TAF4: variants seen among roughly 807,000 people sequenced by gnomAD.
TAF4 encodes the protein transcription initiation factor TFIID subunit 4.
TAF4 carries 9 observed loss-of-function variants against 90.3 expected under a neutral mutation model. The observed-to-expected ratio is 0.10, with a 90% CI of 0.06 to 0.17. The LOEUF (loss-of-function observed/expected upper bound fraction) is 0.17, where lower values mean the gene tolerates loss of function less well. Ranked by LOEUF, TAF4 falls within the 10% of genes least tolerant of loss-of-function variation. TAF4 has a pLI of 1.00. For missense variants in TAF4, 1,351 were observed against 1,370.7 expected (o/e 0.99, Z 0.23); for synonymous variants, 818 against 638.9 (o/e 1.28, Z -4.23).
intron 1 of TAF4, chr20:62,037,323 C>CCACT (rs2055937812): frequency 6.6e-6 from 1 of 152,184 alleles, no homozygotes; most frequent in East Asian, 1.9e-4. Flanking sequence ...AAGACATGAA[C>CCACT]CACTCTTTAC....
chr20:61,987,827 C>T (rs1481781233), intron 14 of TAF4, among the ~76,000 whole-genome samples: 1 of 152,194 alleles, frequency 6.6e-6, no homozygotes, highest in East Asian at 1.9e-4. Context: ...CCACGATGTG[C>T]TTCAGTAGGT....
In TAF4 at chr20:62,012,812, C is replaced by T. The variant is rs771729301; in HGVS notation, c.1641+3G>A. ...TCAAGAGATCCGCCGCCTGCCCTCT[C>T]ACCTGGACGCCGGGCGAGCGCTGCA... On this transcript the variant is annotated splice_donor_region_variant and intron_variant, in intron 3 of 14. Transcript: ENST00000252996. 7 of 1,610,768 alleles carry T rather than the reference C, an allele frequency of 4.3e-6. No homozygotes were observed. Among genetic ancestry groups the T allele is most frequent in the Non-Finnish European group, 5.9e-6 (7 of 1,179,184 alleles).
intron 1 of TAF4, among the ~76,000 whole-genome samples, chr20:62,026,194 T>C (rs1448527544): frequency 2.0e-5 from 3 of 151,974 alleles, no homozygotes; most frequent in Non-Finnish European, 2.9e-5. Flanking sequence ...TTAAGAACAC[T>C]AGGAGCTGCC....
Position 62,002,203 on chromosome 20 carries a change from T to TG in TAF4, c.2486+956_2486+957insC, listed in dbSNP as rs1308541557. ...CTCCCTTCTCACTGAAGTATCAGCG[T>TG]CACGCTGGGCCCAGGCATGCTGGCC... is the stretch of plus-strand genomic sequence containing the variant. On this transcript the variant is annotated intron_variant, in intron 9 of 14. Transcript: ENST00000252996. 1.6e-3 allele frequency among the ~76,000 whole-genome samples: 243 copies of TG among 152,308 alleles called. 1 individual carries two copies. The highest frequency in any genetic ancestry group is 1.6e-3 in the Non-Finnish European group (110 of 68,022).
At position 61,975,243 on chromosome 20, in the gene TAF4, T is replaced by C. The variant is rs2055485719; in HGVS notation, c.*925A>G. The C allele has an allele frequency of 6.6e-6, 1 of 152,446 alleles. No homozygotes were observed. Among genetic ancestry groups the C allele is most frequent in the Non-Finnish European group, 1.5e-5 (1 of 68,038 alleles). 9.4% of individuals were successfully genotyped at this position (152,446 alleles called of 1,614,324 possible). A position where few individuals can be genotyped will look rare whatever the true frequency, so the allele number is the denominator to read the frequency against. On this transcript the variant is annotated 3_prime_UTR_variant, in exon 15 of 15. Coordinates refer to ENST00000252996, the MANE Select transcript of TAF4 (RefSeq NM_003185.4). ...GCTTGCATACAGTCTCTTAGCAAAATAATTATAGTTTACATAGCCATTTCT... is the reference window on the plus strand; with the variant it reads ...GCTTGCATACAGTCTCTTAGCAAAACAATTATAGTTTACATAGCCATTTCT...
chr20:62,006,317 C>G lies in TAF4; in HGVS notation c.2223+193G>C. ...ACTCAACTATTTCATTTTACTGAGA[C>G]AAAATACAACATCCCAGGGCCTCAA... On this transcript the variant is annotated intron_variant, in intron 7 of 14. Coordinates refer to ENST00000252996, the MANE Select transcript of TAF4 (RefSeq NM_003185.4). This position sits in a 1 kb window ranked among gnomAD's most constrained non-coding sequence, Gnocchi z 7.0. The G allele has an allele frequency of 2.6e-6, 2 of 771,728 alleles. No individual in the cohort carries two copies. The highest frequency in any genetic ancestry group is 3.5e-6 in the Non-Finnish European group (2 of 563,854). 47.8% of individuals were successfully genotyped at this position (771,728 alleles called of 1,614,324 possible).
chr20:61,986,623 T>C (rs925877309), intron 14 of TAF4, among the ~76,000 whole-genome samples: 2 of 152,268 alleles, frequency 1.3e-5, no homozygotes, highest in African/African-American at 4.8e-5. Flanking sequence ...TGTGGTGTCA[T>C]AAAGTCACCA....
At chr20:62,017,990 GA>G (rs11475949) in intron 1 of TAF4, among the ~76,000 whole-genome samples, 11,955 of 151,886 alleles carry the variant, frequency 0.079, 1,146 homozygotes, top group African/African-American at 0.23. Context: ...GGGTCACTGT[GA>G]AAATGTGCCC....
chr20:61,999,110 TA>T lies in TAF4; in HGVS notation c.2788-3del. The stretch of plus-strand genomic sequence containing the variant: ...CGCCTGCTCATATCTGTCGTCATCC[TA>T]TGAAGAAAGTTAAAATACTGCTTGT... On this transcript the variant is annotated splice_region_variant and splice_polypyrimidine_tract_variant and intron_variant, in intron 11 of 14. Transcript: ENST00000252996. 6.2e-7 allele frequency: 1 copy of T among 1,613,794 alleles called. No individual in the cohort carries two copies. Among genetic ancestry groups the T allele is most frequent in the South Asian group, 1.1e-5 (1 of 91,070 alleles).
chr20:62,038,028 GT>G (rs111957072), intron 1 of TAF4: 2,582 of 147,318 alleles, frequency 0.018, 39 homozygotes, highest in South Asian at 0.057. Flanking sequence ...TTTTTTTGTT[GT>G]TTTTTTTTTG....
Position 61,975,409 on chromosome 20 carries a change from A to T in TAF4, c.*759T>A, listed in dbSNP as rs943575977. 6.6e-6 allele frequency: 1 copy of T among 152,242 alleles called. No individual in the cohort carries two copies. Among genetic ancestry groups the T allele is most frequent in the South Asian group, 2.1e-4 (1 of 4,814 alleles). The allele number at this position is 152,242 out of a possible 1,614,324, so 9.4% of individuals were successfully genotyped here. On this transcript the variant is annotated 3_prime_UTR_variant, in exon 15 of 15. Coordinates refer to ENST00000252996, the MANE Select transcript of TAF4 (RefSeq NM_003185.4). ...TTAATCTAGGTTTTCACTTTTAGCT[A>T]AAAAACACAGTGCAAGTAAAATATA...
chr20:61,998,056 G>T (rs909308746), intron 13 of TAF4, 80 bp downstream of exon 13: 2 of 1,380,516 alleles, frequency 1.4e-6, no homozygotes, highest in Non-Finnish European at 2.0e-6. Flanking sequence ...GAAGTGCCAC[G>T]GTTTCCTTAG....
chr20:62,005,685 C>G (rs2055740323), intron 7 of TAF4: 2 of 152,246 alleles, frequency 1.3e-5, no homozygotes, highest in African/African-American at 2.4e-5. Context: ...GCCATTTCAC[C>G]CTGTTCTCCT....
At chr20:62,003,134 C>G (rs2055718215) in intron 9 of TAF4, 26 bp downstream of exon 9, 1 of 1,595,658 alleles carries the variant, frequency 6.3e-7, no homozygotes, top group Non-Finnish European at 8.6e-7. Flanking sequence ...CCACGCTTCT[C>G]CAACGTACAC....
At chr20:61,997,074 G>T (rs1393031248) in intron 14 of TAF4, among the ~76,000 whole-genome samples, 1 of 152,036 alleles carries the variant, frequency 6.6e-6, no homozygotes, top group African/African-American at 2.4e-5. Context: ...ACATGTCAAG[G>T]CTGGGTTTAT....
intron 1 of TAF4, among the ~76,000 whole-genome samples, chr20:62,018,529 G>A (rs1359748376): frequency 2.6e-5 from 4 of 152,218 alleles, no homozygotes; most frequent in African/African-American, 9.7e-5. Flanking sequence ...TCCTCTCTCT[G>A]CACTTGCAGC....
At chr20:62,029,451 C>T (rs960506436) in intron 1 of TAF4, among the ~76,000 whole-genome samples, 10 of 151,534 alleles carry the variant, frequency 6.6e-5, no homozygotes, top group African/African-American at 2.4e-4. Flanking sequence ...GCTAGCTCTG[C>T]AGCACCAGGG....
At position 62,000,675 on chromosome 20, in the gene TAF4, A is replaced by G; in HGVS notation, c.2533T>C (p.Leu845=). 3.1e-6 allele frequency: 5 copies of G among 1,614,264 alleles called. No homozygotes were observed. The highest frequency in any genetic ancestry group is 1.1e-5 in the South Asian group (1 of 91,088). The change falls in exon 10 of 15, where the codon TTG becomes CTG. Residue 845 remains leucine, a synonymous_variant. Coordinates refer to ENST00000252996, the MANE Select transcript of TAF4 (RefSeq NM_003185.4). ...AATATTCTTGCACTTTCTTCTGACA[A>G]GTTTACTCCAGCCATCGATGCAACA... ...NDVASMAGVN[L]SEESARILAT...
intron 1 of TAF4, 176 bp downstream of exon 1, chr20:62,064,275 C>T (rs1022774856): frequency 1.5e-6 from 1 of 667,660 alleles, no homozygotes; most frequent in Non-Finnish European, 2.1e-6. Context: ...CTGGCTCACT[C>T]GCAGACAGCC....
Sources: gnomAD v4.1 joint callset for allele counts (sites outside exome capture counted in the v4.1 genomes callset) on GRCh38, gnomAD v4.1.1 for gene constraint, Gnocchi (gnomAD v3.1) non-coding constraint, MANE v1.5 for transcripts, NCBI Gene and HGNC (gene_info 2026-07-23, HGNC 2026-07-21) for gene names.